VLDLR: variants seen among roughly 807,000 people sequenced by gnomAD.
VLDLR encodes the protein very low density lipoprotein receptor, also known as very low-density lipoprotein receptor.
A neutral mutation model predicts 112.7 loss-of-function variants in VLDLR; 81 were observed. The observed-to-expected ratio is 0.72, with a 90% CI of 0.60 to 0.86. The LOEUF is 0.86. VLDLR is among the 40% of genes least tolerant of loss of function. VLDLR has a pLI of 0.00. For synonymous variants in VLDLR, 436 were observed against 384.8 expected (o/e 1.13, Z -1.56); for missense variants, 1,237 against 1,099.4 (o/e 1.13, Z -1.77).
intron 2 of VLDLR, among the ~76,000 whole-genome samples, chr9:2,636,283 C>T (rs957812021): frequency 6.6e-6 from 1 of 152,166 alleles, no homozygotes; most frequent in African/African-American, 2.4e-5. Context: ...TCTACGATCC[C>T]TTTGTTCAGG....
At position 2,640,030 on chromosome 9, in the gene VLDLR, C is replaced by A. The variant is rs766487346; in HGVS notation, c.325+49C>A. 2.5e-6 allele frequency: 4 copies of A among 1,613,744 alleles called. No homozygotes were observed. The South Asian group carries it at 4.4e-5, about 18-fold the overall frequency. ...TGAACTTTGCCAAGTTGTTCGGTGT[C>A]TAACATTTCTAAGTATTGCTTAATC... On this transcript the variant is annotated intron_variant, in intron 3 of 18. Transcript: ENST00000382100.
At chr9:2,627,587 G>A (rs1441986991) in intron 1 of VLDLR, among the ~76,000 whole-genome samples, 7 of 152,064 alleles carry the variant, frequency 4.6e-5, no homozygotes, top group African/African-American at 7.2e-5. Flanking sequence ...CAAAGAGGCC[G>A]GGCGCGGTGG....
At chr9:2,644,232 C>T (rs1346319718) in intron 7 of VLDLR, among the ~76,000 whole-genome samples, 3 of 143,510 alleles carry the variant, frequency 2.1e-5, no homozygotes, top group Non-Finnish European at 1.5e-5. Flanking sequence ...AATCTCGGCT[C>T]ACTGCAACCT....
intron 11 of VLDLR, 91 bp downstream of exon 11, chr9:2,646,643 G>C: frequency 8.2e-7 from 1 of 1,214,120 alleles, no homozygotes. Context: ...CAAATCTCAA[G>C]GTTTATGAGC....
At chr9:2,646,274 C>T in intron 10 of VLDLR, 60 bp from the exon 11 acceptor site, 1 of 1,561,520 alleles carries the variant, frequency 6.4e-7, no homozygotes, top group Non-Finnish European at 8.8e-7. Context: ...GCAAAAAGTC[C>T]ATTCTCCAAG....
Position 2,629,887 on chromosome 9 carries a change from C to T in VLDLR, c.83-5566C>T, listed in dbSNP as rs542328407. Among the ~76,000 whole-genome samples, 11 of 152,302 alleles carry T rather than the reference C, an allele frequency of 7.2e-5. No homozygotes were observed. The South Asian group carries it at 1.9e-3, about 26-fold the overall frequency. On this transcript the variant is annotated intron_variant, in intron 1 of 18. Coordinates refer to ENST00000382100, the MANE Select transcript of VLDLR (RefSeq NM_003383.5). ...TCTCGGCTCACTGCAACTTCTACCTCCCAGGTTCAAACAATTCTCCTGCAT... is the reference window on the plus strand; with the variant it reads ...TCTCGGCTCACTGCAACTTCTACCTTCCAGGTTCAAACAATTCTCCTGCAT...
chr9:2,635,792 G>C (rs1225479865), intron 2 of VLDLR, among the ~76,000 whole-genome samples: 1 of 152,158 alleles, frequency 6.6e-6, no homozygotes, highest in East Asian at 1.9e-4. Context: ...ACAGGACCTA[G>C]TTTATCTTAG....
intron 12 of VLDLR, among the ~76,000 whole-genome samples, chr9:2,647,938 A>C (rs1277537163): frequency 3.3e-5 from 5 of 152,232 alleles, no homozygotes; most frequent in Non-Finnish European, 7.3e-5. Context: ...GGAGGAGAAC[A>C]ACAAAATGGT....
intron 9 of VLDLR, among the ~76,000 whole-genome samples, 193 bp from the exon 10 acceptor site, chr9:2,645,381 G>T (rs1434790946): frequency 6.6e-6 from 1 of 152,190 alleles, no homozygotes; most frequent in Non-Finnish European, 1.5e-5. Context: ...CTTGAAGGCT[G>T]TAACCCCACG....
intron 10 of VLDLR, among the ~76,000 whole-genome samples, chr9:2,646,119 T>C (rs1222116445): frequency 1.3e-5 from 2 of 151,996 alleles, no homozygotes; most frequent in African/African-American, 4.8e-5. Flanking sequence ...TTTGTTGTTC[T>C]TGTATATAGA....
intron 2 of VLDLR, 83 bp downstream of exon 2, chr9:2,635,655 TA>T: frequency 6.3e-7 from 1 of 1,595,220 alleles, no homozygotes; most frequent in South Asian, 1.1e-5. Flanking sequence ...ATTCTGAAAA[TA>T]AAATCCACTT....
In VLDLR at chr9:2,623,234, G is replaced by GC. The variant is rs201459567; in HGVS notation, c.82+967dup. On this transcript the variant is annotated intron_variant, in intron 1 of 18. Transcript: ENST00000382100. ...CAGACTCTGCCGCGGGGGCCTGGGGGCCCCGCCTGGTCGTCAGCCACGTTC... is the reference window on the plus strand; with the variant it reads ...CAGACTCTGCCGCGGGGGCCTGGGGGCCCCCGCCTGGTCGTCAGCCACGTTC... Among the ~76,000 whole-genome samples, 1,331 of 152,314 alleles carry GC rather than the reference G, an allele frequency of 8.7e-3. 24 individuals are homozygous for GC. Among genetic ancestry groups the GC allele is most frequent in the African/African-American group, 0.03 (1,255 of 41,584 alleles).
intron 1 of VLDLR, among the ~76,000 whole-genome samples, chr9:2,634,642 C>T (rs1236889804): frequency 1.3e-5 from 2 of 152,166 alleles, no homozygotes; most frequent in Non-Finnish European, 2.9e-5. Context: ...TCAGAGAAAT[C>T]GAAACTACAT....
intron 11 of VLDLR, among the ~76,000 whole-genome samples, chr9:2,647,217 A>G (rs1032171361): frequency 1.3e-5 from 2 of 152,216 alleles, no homozygotes; most frequent in African/African-American, 4.8e-5. Context: ...CCTTTTAAAA[A>G]GGAAACATAA....
At position 2,622,290 on chromosome 9, in the gene VLDLR, C is replaced by A. The variant is rs1416991378; in HGVS notation, c.82+19C>A. The A allele has an allele frequency of 6.8e-7, 1 of 1,460,078 alleles. No individual in the cohort carries two copies. The highest frequency in any genetic ancestry group is 1.3e-5 in the South Asian group (1 of 74,948). 90.4% of individuals were successfully genotyped at this position (1,460,078 alleles called of 1,614,324 possible). On this transcript the variant is annotated intron_variant, in intron 1 of 18. Transcript: ENST00000382100. ...GGAACCGGTGAGTGAGGACGCGCCC[C>A]TCCGCCGGCGGGCGGGACCCAGCCG...
chr9:2,659,853 T>C lies in VLDLR; in HGVS notation c.*5985T>C, dbSNP rs1331459401. The C allele has an allele frequency of 6.6e-6, 1 of 152,234 alleles. No individual in the cohort carries two copies. The highest frequency in any genetic ancestry group is 1.5e-5 in the Non-Finnish European group (1 of 68,048). The allele number at this position is 152,234 out of a possible 1,614,324, so 9.4% of individuals were successfully genotyped here. ...ACTGGCTTTGACAAAACTATCTTGCTCTTTTTAAATGTCACTTGATACTAG... is the reference window on the plus strand; with the variant it reads ...ACTGGCTTTGACAAAACTATCTTGCCCTTTTTAAATGTCACTTGATACTAG... On this transcript the variant is annotated 3_prime_UTR_variant, in exon 19 of 19. Transcript: ENST00000382100.
intron 1 of VLDLR, among the ~76,000 whole-genome samples, chr9:2,632,737 A>G (rs926071711): frequency 5.3e-5 from 8 of 152,142 alleles, no homozygotes; most frequent in African/African-American, 1.7e-4. Context: ...CAGGTGGCTA[A>G]GGGCTGGGCA....
Position 2,657,084 on chromosome 9 carries a change from A to T in VLDLR, c.*3216A>T, listed in dbSNP as rs1377141208. On this transcript the variant is annotated 3_prime_UTR_variant, in exon 19 of 19. Coordinates refer to ENST00000382100, the MANE Select transcript of VLDLR (RefSeq NM_003383.5). ...ATAGCAAACTACAGGGTATTAAAAGACTAACTCTTCAGTTAAGAACACTGT... is the reference window on the plus strand; with the variant it reads ...ATAGCAAACTACAGGGTATTAAAAGTCTAACTCTTCAGTTAAGAACACTGT... The T allele has an allele frequency of 6.6e-6, 1 of 152,128 alleles. No homozygotes were observed. The highest frequency in any genetic ancestry group is 1.5e-5 in the Non-Finnish European group (1 of 68,016). The allele number at this position is 152,128 out of a possible 1,614,324, so 9.4% of individuals were successfully genotyped here. A position where few individuals can be genotyped will look rare whatever the true frequency, so the allele number is the denominator to read the frequency against.
chr9:2,651,796 T>TA, intron 16 of VLDLR, 78 bp from the exon 17 acceptor site: 1 of 1,515,076 alleles, frequency 6.6e-7, no homozygotes, highest in South Asian at 1.1e-5. Flanking sequence ...TGCAAAGGTT[T>TA]TGGCTCCTTA....
Sources: allele counts gnomAD v4.1 joint callset (sites outside exome capture counted in the v4.1 genomes callset), GRCh38; gene constraint gnomAD v4.1.1; transcripts MANE v1.5; gene names NCBI Gene and HGNC (gene_info 2026-07-23, HGNC 2026-07-21).